Variants in MAML3 observed in about 807,000 individuals in gnomAD.
MAML3 encodes the protein mastermind-like protein 3.
MAML3 carries 27 observed loss-of-function variants against 101.9 expected under a neutral mutation model. The ratio of observed to expected loss-of-function variants is 0.27; its 90% CI spans 0.20 to 0.37. MAML3 has a LOEUF of 0.37. Ranked by LOEUF, MAML3 falls within the 10% of genes least tolerant of loss-of-function variation. The pLI is 1.00. For synonymous variants in MAML3, 501 were observed against 555.9 expected (o/e 0.90, Z 1.39); for missense variants, 1,316 against 1,444.9 (o/e 0.91, Z 1.45).
At chr4:140,026,188 A>G (rs1726820042) in intron 1 of MAML3, among the ~76,000 whole-genome samples, 1 of 152,152 alleles carries the variant, frequency 6.6e-6, no homozygotes, top group East Asian at 1.9e-4. Context: ...TCATCAAAAC[A>G]TATATATGTG....
intron 1 of MAML3, among the ~76,000 whole-genome samples, chr4:140,045,648 T>C (rs1261163953): frequency 6.6e-6 from 1 of 152,202 alleles, no homozygotes; most frequent in Admixed American, 6.5e-5. Flanking sequence ...AGCTACTATA[T>C]AATGTTTTCA....
intron 1 of MAML3, among the ~76,000 whole-genome samples, chr4:140,120,962 G>A (rs1416897500): frequency 6.7e-6 from 1 of 149,578 alleles, no homozygotes; most frequent in Middle Eastern, 3.5e-3. Flanking sequence ...GCTAAACACC[G>A]AATCCACACT....
At chr4:139,817,083 T>C (rs1234482344) in intron 2 of MAML3, among the ~76,000 whole-genome samples, 2 of 152,170 alleles carry the variant, frequency 1.3e-5, no homozygotes, top group Non-Finnish European at 2.9e-5. Flanking sequence ...GATGTCACTC[T>C]GACTACCTTC....
intron 2 of MAML3, among the ~76,000 whole-genome samples, chr4:139,752,900 G>A (rs1377343970): frequency 6.6e-6 from 1 of 152,180 alleles, no homozygotes; most frequent in Non-Finnish European, 1.5e-5. Context: ...ACTGGGAAGA[G>A]CTAACAGGGG....
At position 139,860,477 on chromosome 4, in the gene MAML3, T is replaced by C. The variant is rs193232059; in HGVS notation, c.2079+28880A>G. Among the ~76,000 whole-genome samples, 408 of 152,306 alleles carry C rather than the reference T, an allele frequency of 2.7e-3. 4 individuals carry two copies. Among genetic ancestry groups the C allele is most frequent in the African/African-American group, 8.9e-3 (370 of 41,574 alleles). On this transcript the variant is annotated intron_variant, in intron 2 of 4. Transcript: ENST00000509479. ...GCTCTTCATCTTCCCTCTCTTATAT[T>C]TTCTCTTGCCCCAGTCAAGCCAACC...
intron 2 of MAML3, among the ~76,000 whole-genome samples, chr4:139,792,725 A>G (rs1730434808): frequency 6.6e-6 from 1 of 151,564 alleles, no homozygotes; most frequent in East Asian, 1.9e-4. Context: ...GTTCTGGTAG[A>G]ACTGGTTTTC....
At chr4:139,790,216 CATATATATATAT>C (rs367675413) in intron 2 of MAML3, among the ~76,000 whole-genome samples, 8 of 110,260 alleles carry the variant, frequency 7.3e-5, no homozygotes, top group Admixed American at 2.9e-4. Flanking sequence ...ACCCTAGTGA[CATATATATATAT>C]ATATATATAT....
intron 1 of MAML3, among the ~76,000 whole-genome samples, chr4:139,894,094 C>A (rs1399604507): frequency 6.6e-6 from 1 of 152,186 alleles, no homozygotes; most frequent in Non-Finnish European, 1.5e-5. Context: ...CCTGAACACT[C>A]ACATGTGAAA....
At chr4:140,048,860 A>G (rs1727223228) in intron 1 of MAML3, among the ~76,000 whole-genome samples, 1 of 152,200 alleles carries the variant, frequency 6.6e-6, no homozygotes, top group Non-Finnish European at 1.5e-5. Context: ...ATACTTTGCT[A>G]ATTTTTACAT....
intron 1 of MAML3, among the ~76,000 whole-genome samples, chr4:140,069,455 G>C (rs1351372341): frequency 2.4e-5 from 3 of 125,290 alleles, no homozygotes; most frequent in Non-Finnish European, 5.1e-5. Flanking sequence ...AGGAGAAGGA[G>C]GAGAAGGAGA....
At chr4:140,045,157 G>A (rs1185999242) in intron 1 of MAML3, among the ~76,000 whole-genome samples, 1 of 152,178 alleles carries the variant, frequency 6.6e-6, no homozygotes, top group Admixed American at 6.5e-5. Flanking sequence ...CACTTTGGGA[G>A]GCCAAGATGG....
At chr4:139,997,534 T>C (rs1300369960) in intron 1 of MAML3, among the ~76,000 whole-genome samples, 3 of 152,152 alleles carry the variant, frequency 2.0e-5, no homozygotes, top group Non-Finnish European at 4.4e-5. Flanking sequence ...TAGTAGAGTG[T>C]TAAAATTATT....
intron 1 of MAML3, among the ~76,000 whole-genome samples, chr4:139,981,048 G>A (rs752919949): frequency 2.0e-5 from 3 of 152,114 alleles, no homozygotes; most frequent in Non-Finnish European, 4.4e-5. Context: ...GTTTCCTAGA[G>A]CTGCCACAAC....
intron 1 of MAML3, among the ~76,000 whole-genome samples, chr4:140,035,366 C>T (rs887198919): frequency 1.3e-5 from 2 of 152,178 alleles, no homozygotes; most frequent in African/African-American, 4.8e-5. Context: ...AATCAGATAT[C>T]TGAACACAGG....
At chr4:139,878,431 G>C (rs1053912287) in intron 2 of MAML3, among the ~76,000 whole-genome samples, 11 of 152,102 alleles carry the variant, frequency 7.2e-5, no homozygotes, top group African/African-American at 2.7e-4. Context: ...ACACTGTTTT[G>C]GTATCTTGCT....
chr4:140,147,993 G>T (rs1521496), intron 1 of MAML3, among the ~76,000 whole-genome samples: 24,598 of 151,980 alleles, frequency 0.16, 2,258 homozygotes, highest in East Asian at 0.38. Flanking sequence ...AAATGGGCAG[G>T]AAAACTTCTT....
intron 1 of MAML3, among the ~76,000 whole-genome samples, chr4:139,989,134 C>A (rs563776609): frequency 6.6e-6 from 1 of 152,262 alleles, no homozygotes; most frequent in East Asian, 1.9e-4. Flanking sequence ...AGAGACAGGG[C>A]TCTGGACGGG....
At chr4:139,768,794 G>A (rs1393287323) in intron 2 of MAML3, among the ~76,000 whole-genome samples, 1 of 152,186 alleles carries the variant, frequency 6.6e-6, no homozygotes, top group Non-Finnish European at 1.5e-5. Context: ...GAAAGCTATC[G>A]TGGCTCTCTT....
chr4:139,920,070 C>A (rs951839919), intron 1 of MAML3, among the ~76,000 whole-genome samples: 8 of 152,188 alleles, frequency 5.3e-5, no homozygotes, highest in Non-Finnish European at 1.2e-4. Flanking sequence ...TTGCGATTAT[C>A]AAATACATTT....
Sources: gnomAD v4.1 joint callset for allele counts (sites outside exome capture counted in the v4.1 genomes callset) on GRCh38, gnomAD v4.1.1 for gene constraint, MANE v1.5 for transcripts, NCBI Gene and HGNC (gene_info 2026-07-23, HGNC 2026-07-21) for gene names.